The following TRPM4 variants were observed in gnomAD, a reference collection of about 807,000 sequenced individuals.
The protein encoded by TRPM4 is transient receptor potential cation channel subfamily M member 4.
In TRPM4, 124 loss-of-function variants were observed where a neutral mutation model predicts 135.6. That is an observed-to-expected ratio of 0.91 (90% CI 0.79 to 1.06). The LOEUF (loss-of-function observed/expected upper bound fraction) is 1.06, where lower values mean the gene tolerates loss of function less well. Ranked by LOEUF, TRPM4 falls within the 50% of genes least tolerant of loss-of-function variation. The probability of loss-of-function intolerance (pLI) is 0.00; values close to 1 mark genes in which losing one functional copy is unlikely to be tolerated. For synonymous variants in TRPM4, 745 were observed against 705.6 expected, an observed-to-expected ratio of 1.06 and a Z score of -0.88; for missense variants, 1,658 against 1,671.4, an observed-to-expected ratio of 0.99 and a Z score of 0.14.
At chr19:49,196,194 G>A (rs1159043913) in intron 16 of TRPM4, among the ~76,000 whole-genome samples, 1 of 152,120 alleles carries the variant, frequency 6.6e-6, no homozygotes, top group African/African-American at 2.4e-5. Flanking sequence ...TAGAGATGAG[G>A]TTTTGCCATG....
chr19:49,159,382 A>G (rs1030620973), intron 2 of TRPM4: 1 of 151,606 alleles, frequency 6.6e-6, no homozygotes, highest in African/African-American at 2.4e-5. Flanking sequence ...TGTTAGCCAG[A>G]TGGTCTCGAT....
Position 49,183,167 on chromosome 19 carries a change from A to G in TRPM4, c.1698A>G (p.Ala566=), listed in dbSNP as rs1459088421. 1 of 1,614,086 alleles carries G rather than the reference A, an allele frequency of 6.2e-7. No individual in the cohort carries two copies. The highest frequency in any genetic ancestry group is 8.5e-7 in the Non-Finnish European group (1 of 1,179,998). ...CCTGGAGCGACCTGCTTCTTTGGGC[A>G]CTGTTGCTGAACAGGGCACAGATGG... The part of the protein sequence containing the change: ...QAPWSDLLLW[A]LLLNRAQMAM... The change falls in exon 12 of 25, where the codon GCA becomes GCG. Residue 566 remains alanine, a synonymous_variant. Transcript: ENST00000252826.
intron 9 of TRPM4, among the ~76,000 whole-genome samples, chr19:49,181,061 C>T (rs900496417): frequency 1.1e-4 from 17 of 151,992 alleles, no homozygotes; most frequent in African/African-American, 4.1e-4. Context: ...CTCTCTCCAT[C>T]CCTCCCACTG....
At chr19:49,195,380 T>C (rs1968590951) in intron 16 of TRPM4, among the ~76,000 whole-genome samples, 1 of 152,194 alleles carries the variant, frequency 6.6e-6, no homozygotes, top group Non-Finnish European at 1.5e-5. Context: ...CTTTATTTTT[T>C]TATTTTTTGA....
intron 2 of TRPM4, among the ~76,000 whole-genome samples, chr19:49,161,086 G>A (rs548712986): frequency 6.6e-6 from 1 of 152,004 alleles, no homozygotes; most frequent in Non-Finnish European, 1.5e-5. Context: ...GGCCTAGGGG[G>A]ACCGAGGGGC....
intron 17 of TRPM4, among the ~76,000 whole-genome samples, chr19:49,197,308 T>TTCTC (rs1161813900): frequency 1.2e-3 from 141 of 122,324 alleles, no homozygotes; most frequent in East Asian, 1.9e-3. Context: ...CTTTCTTTCT[T>TTCTC]TTTCTTTCTT....
Position 49,183,363 on chromosome 19 carries a change from C to CTCTT in TRPM4, c.1743+157_1743+160dup, listed in dbSNP as rs1160234634. 17 of 904,824 alleles carry CTCTT rather than the reference C, an allele frequency of 1.9e-5. No individual in the cohort carries two copies. In the African/African-American group the frequency reaches 2.1e-4, roughly 11 times the overall value. 56.0% of individuals were successfully genotyped at this position (904,824 alleles called of 1,614,324 possible). ...GCTGATATATGCCTCCAACTGCTTCCTCTTTCTTTTCTCTCTCTCACATCA... is the reference window on the plus strand; with the variant it reads ...GCTGATATATGCCTCCAACTGCTTCCTCTTTCTTTCTTTTCTCTCTCTCACATCA... On this transcript the variant is annotated intron_variant, in intron 12 of 24. Coordinates refer to ENST00000252826, the MANE Select transcript of TRPM4 (RefSeq NM_017636.4).
intron 2 of TRPM4, among the ~76,000 whole-genome samples, 200 bp from the exon 3 acceptor site, chr19:49,165,841 C>T (rs895299955): frequency 6.6e-6 from 1 of 152,164 alleles, no homozygotes; most frequent in Non-Finnish European, 1.5e-5. Flanking sequence ...GCTTCCTTCC[C>T]GTGGGGAAAG....
Position 49,210,441 on chromosome 19 carries a change from AGGGGAC to A in TRPM4, c.3328+37_3328+42del. ...AGCTTGGCTTAAAAAGGAGAAATAT[AGGGGAC>A]CGGGAGCCTGGAAGGCGAGGGGAAG... On this transcript the variant is annotated intron_variant, in intron 21 of 24. Transcript: ENST00000252826. This position sits in a 1 kb window ranked among gnomAD's most constrained non-coding sequence, Gnocchi z 4.1. The A allele has an allele frequency of 6.2e-7, 1 of 1,604,694 alleles. No individual in the cohort carries two copies. The highest frequency in any genetic ancestry group is 2.2e-5 in the East Asian group (1 of 44,860).
intron 19 of TRPM4, among the ~76,000 whole-genome samples, chr19:49,201,701 G>A (rs1450425048): frequency 5.3e-5 from 8 of 152,144 alleles, no homozygotes; most frequent in African/African-American, 1.2e-4. Flanking sequence ...AGATCGAAGC[G>A]ATTCTCCTAT....
chr19:49,183,937 C>G (rs1968101400), intron 12 of TRPM4, among the ~76,000 whole-genome samples: 1 of 151,536 alleles, frequency 6.6e-6, no homozygotes, highest in African/African-American at 2.4e-5. Flanking sequence ...CCACGCCCAG[C>G]TAATTTTTTG....
intron 20 of TRPM4, among the ~76,000 whole-genome samples, chr19:49,206,685 C>G (rs897231099): frequency 1.3e-5 from 2 of 151,984 alleles, no homozygotes; most frequent in Non-Finnish European, 2.9e-5. Flanking sequence ...GTGATCCACC[C>G]GCCTTGGCCT....
chr19:49,181,527 CTTCTTTTT>C, intron 10 of TRPM4, 66 bp downstream of exon 10: 1 of 830,468 alleles, frequency 1.2e-6, no homozygotes, highest in Non-Finnish European at 1.8e-6. Context: ...CCCTCTCTGC[CTTCTTTTT>C]TTTTTTTTTT....
At chr19:49,194,637 CTT>C (rs996689201) in intron 16 of TRPM4, among the ~76,000 whole-genome samples, 4 of 131,060 alleles carry the variant, frequency 3.1e-5, no homozygotes, top group Admixed American at 7.9e-5. Flanking sequence ...CCTTCCCTTT[CTT>C]TCTCTCTCTC....
intron 12 of TRPM4, among the ~76,000 whole-genome samples, chr19:49,184,350 T>A (rs1358538545): frequency 6.6e-6 from 1 of 152,008 alleles, no homozygotes; most frequent in Non-Finnish European, 1.5e-5. Flanking sequence ...ATTTTGCCTT[T>A]TTTATGAATC....
intron 2 of TRPM4, among the ~76,000 whole-genome samples, chr19:49,163,415 C>T (rs951201784): frequency 3.3e-5 from 5 of 151,432 alleles, no homozygotes; most frequent in Non-Finnish European, 7.4e-5. Context: ...AGGCTGGTCT[C>T]GAACTCCTGA....
intron 20 of TRPM4, 125 bp downstream of exon 20, chr19:49,202,266 C>A: frequency 8.4e-7 from 1 of 1,192,426 alleles, no homozygotes. Context: ...CTAATGCTGC[C>A]TTCTCCCCAA....
chr19:49,171,413 T>G lies in TRPM4; in HGVS notation c.853T>G (p.Leu285Val). 2 of 1,614,040 alleles carry G rather than the reference T, an allele frequency of 1.2e-6. No homozygotes were observed. Among genetic ancestry groups the G allele is most frequent in the Non-Finnish European group, 1.7e-6 (2 of 1,179,998 alleles). The change falls in exon 7 of 25, where the codon TTG becomes GTG. Residue 285 changes from leucine (L) to valine (V), a missense_variant. Physicochemically the swap from Leu to Val is conservative, Grantham distance 32. This residue lies in a region of TRPM4 where 1,412 missense variants were observed against 1,408.7 expected (regional missense o/e 1.00). Transcript: ENST00000252826. The surrounding 1 kb of genome is among the most constrained non-coding windows in gnomAD (Gnocchi z 4.7). ...LLLIDGDEKM[L>V]TRIENATQAQ... ...CCTGATTGATGGTGATGAGAAGATG[T>G]TGACGGTATAGGGGCCCGGATGCCC...
At position 49,181,530 on chromosome 19, in the gene TRPM4, C is replaced by CTTT. The variant is rs35727661; in HGVS notation, c.1263+88_1263+90dup. 18,525 of 510,344 alleles carry CTTT rather than the reference C, an allele frequency of 0.036. 724 individuals are homozygous for CTTT. Among genetic ancestry groups the CTTT allele is most frequent in the African/African-American group, 0.12 (4,196 of 35,866 alleles). The allele number at this position is 510,344 out of a possible 1,614,324, so 31.6% of individuals were successfully genotyped here. On this transcript the variant is annotated intron_variant, in intron 10 of 24. Coordinates refer to ENST00000252826, the MANE Select transcript of TRPM4 (RefSeq NM_017636.4). ...CTGTGCTGTCCTCCCTCTCTGCCTT[C>CTTT]TTTTTTTTTTTTTTTTTTTTTGACG...
Sources: allele counts gnomAD v4.1 joint callset (sites outside exome capture counted in the v4.1 genomes callset), GRCh38; gene constraint gnomAD v4.1.1; regional missense constraint gnomAD v4.1.1; non-coding constraint Gnocchi (gnomAD v3.1); transcripts MANE v1.5; gene names NCBI Gene and HGNC (gene_info 2026-07-23, HGNC 2026-07-21).